The following SLC44A3 variants were observed in gnomAD, a reference collection of about 807,000 sequenced individuals.
The protein encoded by SLC44A3 is choline transporter-like protein 3.
In SLC44A3, 74 loss-of-function variants were observed where a neutral mutation model predicts 75.4. The observed-to-expected ratio is 0.98, with a 90% CI of 0.81 to 1.19. The LOEUF is 1.19. Ranked by LOEUF, SLC44A3 falls within the 50% of genes most tolerant of loss-of-function variation. The pLI, the probability that SLC44A3 is intolerant of heterozygous loss-of-function variation, is 0.00. For missense variants in SLC44A3, 700 were observed against 778.6 expected (o/e 0.90, Z 1.20); for synonymous variants, 310 against 296.9 (o/e 1.04, Z -0.45).
chr1:94,883,643 T>C (rs1182233278), intron 12 of SLC44A3, among the ~76,000 whole-genome samples: 1 of 151,998 alleles, frequency 6.6e-6, no homozygotes, highest in Non-Finnish European at 1.5e-5. Context: ...GTGAGAGGAC[T>C]CAACTTTCTT....
intron 10 of SLC44A3, among the ~76,000 whole-genome samples, chr1:94,861,236 G>T (rs977070075): frequency 6.6e-6 from 1 of 152,198 alleles, no homozygotes; most frequent in Non-Finnish European, 1.5e-5. Flanking sequence ...GGAAGAATGG[G>T]AACATGAGTG....
chr1:94,860,374 G>A (rs1571329152), intron 10 of SLC44A3, among the ~76,000 whole-genome samples: 1 of 152,266 alleles, frequency 6.6e-6, no homozygotes, highest in African/African-American at 2.4e-5. Context: ...AAATAAGAGA[G>A]AAAGGATTAA....
At chr1:94,862,974 C>T (rs557957951) in intron 10 of SLC44A3, among the ~76,000 whole-genome samples, 1 of 152,316 alleles carries the variant, frequency 6.6e-6, no homozygotes, top group South Asian at 2.1e-4. Context: ...GCCCCACACA[C>T]AGCAGGGGAG....
At chr1:94,834,130 G>A (rs75859757) in intron 5 of SLC44A3, among the ~76,000 whole-genome samples, 1 of 152,124 alleles carries the variant, frequency 6.6e-6, no homozygotes, top group Admixed American at 6.6e-5. Flanking sequence ...TACTAGAATC[G>A]ATTATAGGGC....
chr1:94,824,491 A>G lies in SLC44A3; in HGVS notation c.136-2A>G, dbSNP rs1490265845. The G allele has an allele frequency of 1.1e-5, 18 of 1,592,182 alleles. No homozygotes were observed. The highest frequency in any genetic ancestry group is 1.5e-5 in the Non-Finnish European group (18 of 1,172,662). ...GCTCTCATATGCCCCCGTTTTTGCC[A>G]GGTGTTTATCATGGGCTACTCGGTG... On this transcript the variant is annotated splice_acceptor_variant, in intron 2 of 14. Transcript: ENST00000271227. LOFTEE classifies it high-confidence loss of function.
chr1:94,883,858 C>T (rs1669266353), intron 12 of SLC44A3, among the ~76,000 whole-genome samples: 1 of 151,930 alleles, frequency 6.6e-6, no homozygotes, highest in Non-Finnish European at 1.5e-5. Context: ...TTTAAAATAC[C>T]ATGGAGAGTA....
chr1:94,828,471 T>C (rs1374271831), intron 4 of SLC44A3, 22 bp from the exon 5 acceptor site: 3 of 1,600,638 alleles, frequency 1.9e-6, no homozygotes, highest in Middle Eastern at 1.7e-4. Flanking sequence ...GAAGGTATAA[T>C]GTCTGTGTGT....
chr1:94,866,655 T>C (rs1465109119), intron 11 of SLC44A3, among the ~76,000 whole-genome samples: 1 of 152,198 alleles, frequency 6.6e-6, no homozygotes, highest in Non-Finnish European at 1.5e-5. Context: ...AAGGCTGAGT[T>C]ATTCCTGGGG....
At chr1:94,860,311 T>C (rs1666425598) in intron 10 of SLC44A3, among the ~76,000 whole-genome samples, 1 of 151,934 alleles carries the variant, frequency 6.6e-6, no homozygotes. Context: ...AGGATTAAAA[T>C]ATAAAGTGGA....
At chr1:94,846,146 C>CAAA (rs66647106) in intron 9 of SLC44A3, among the ~76,000 whole-genome samples, 3,554 of 120,042 alleles carry the variant, frequency 0.03, 177 homozygotes, top group African/African-American at 0.099. Context: ...GACTCTGTCT[C>CAAA]AAAAAAAAAA....
chr1:94,827,287 A>G (rs922254056), intron 3 of SLC44A3, among the ~76,000 whole-genome samples: 3 of 152,234 alleles, frequency 2.0e-5, no homozygotes, highest in Non-Finnish European at 4.4e-5. Flanking sequence ...AATCTGGAGA[A>G]ATAAAGCTTT....
intron 9 of SLC44A3, among the ~76,000 whole-genome samples, chr1:94,853,394 A>G (rs1302870008): frequency 1.3e-5 from 2 of 152,262 alleles, no homozygotes; most frequent in African/African-American, 2.4e-5. Context: ...TAAAAGGAAC[A>G]GAAATGGAGA....
At chr1:94,869,668 GT>G (rs1473888203) in intron 12 of SLC44A3, among the ~76,000 whole-genome samples, 1 of 150,612 alleles carries the variant, frequency 6.6e-6, no homozygotes, top group East Asian at 1.9e-4. Context: ...AAATAAAAAT[GT>G]TTAAGAATAA....
At chr1:94,891,582 A>G (rs1571490741) in intron 13 of SLC44A3, among the ~76,000 whole-genome samples, 1 of 152,340 alleles carries the variant, frequency 6.6e-6, no homozygotes, top group South Asian at 2.1e-4. Context: ...TACTAATCTC[A>G]GAAAATGAAC....
chr1:94,858,673 GTGTT>G lies in SLC44A3; in HGVS notation c.1238+1203_1238+1206del, dbSNP rs59998353. Among the ~76,000 whole-genome samples the G allele has an allele frequency of 9.9e-3, 1,477 of 149,904 alleles. 9 individuals are homozygous for G. Among genetic ancestry groups the G allele is most frequent in the Middle Eastern group, 0.014 (4 of 292 alleles). On this transcript the variant is annotated intron_variant, in intron 10 of 14. Coordinates refer to ENST00000271227, the MANE Select transcript of SLC44A3 (RefSeq NM_001114106.3). ...TCCTGATGATAAGGAGCACTGTCGG[GTGTT>G]TGTTTGTTTGTTTGTTTGTTTGTTT...
At chr1:94,825,389 G>C (rs1204118519) in intron 3 of SLC44A3, among the ~76,000 whole-genome samples, 1 of 152,090 alleles carries the variant, frequency 6.6e-6, no homozygotes, top group African/African-American at 2.4e-5. Flanking sequence ...GGAGTGCAGT[G>C]GGGAGATCTC....
intron 13 of SLC44A3, 118 bp from the exon 14 acceptor site, chr1:94,892,158 TCTTTA>T: frequency 1.1e-6 from 1 of 892,788 alleles, no homozygotes; most frequent in Non-Finnish European, 1.7e-6. Context: ...TGACAAGCAT[TCTTTA>T]CAATAGTGCA....
At chr1:94,875,256 A>G (rs748359932) in intron 12 of SLC44A3, among the ~76,000 whole-genome samples, 1 of 152,218 alleles carries the variant, frequency 6.6e-6, no homozygotes, top group Non-Finnish European at 1.5e-5. Context: ...GTCCCTGACC[A>G]CAGAAACCCA....
rs1231971483 is a variant in SLC44A3 at position 94,837,844 on chromosome 1, A to G, written c.643A>G (p.Ile215Val). The G allele has an allele frequency of 2.5e-6, 4 of 1,604,120 alleles. No homozygotes were observed. Among genetic ancestry groups the G allele is most frequent in the Non-Finnish European group, 3.4e-6 (4 of 1,177,494 alleles). ...TGGAATCATGTCGGGAAGAGATACA[A>G]TCCTTGGCCTGTGTATCCTCGCATT... is the stretch of plus-strand genomic sequence containing the variant. Reference protein sequence around the residue: ...LSGIMSGRDTILGLCILALAL... With the variant: ...LSGIMSGRDTVLGLCILALAL... Residue 215 changes from isoleucine to valine, a missense_variant, in exon 6 of 15, where the codon ATC becomes GTC. Ile to Val is a conservative substitution (Grantham distance 29, BLOSUM62 3). Coordinates refer to ENST00000271227, the MANE Select transcript of SLC44A3 (RefSeq NM_001114106.3).
Sources: allele counts gnomAD v4.1 joint callset (sites outside exome capture counted in the v4.1 genomes callset), GRCh38; gene constraint gnomAD v4.1.1; transcripts MANE v1.5; gene names NCBI Gene and HGNC (gene_info 2026-07-23, HGNC 2026-07-21).